The following IQSEC1 variants were observed in gnomAD, a reference collection of about 807,000 sequenced individuals.
The protein encoded by IQSEC1 is IQ motif and SEC7 domain-containing protein 1.
Under a neutral mutation model 91.0 loss-of-function variants are expected in IQSEC1, and 31 were observed. The ratio of observed to expected loss-of-function variants is 0.34; its 90% CI spans 0.26 to 0.46. The LOEUF is 0.46. IQSEC1 is among the 20% of genes least tolerant of loss of function. The pLI is 1.00. For missense variants in IQSEC1, 1,388 were observed against 1,575.6 expected, an observed-to-expected ratio of 0.88 and a Z score of 2.02; for synonymous variants, 699 against 662.6, an observed-to-expected ratio of 1.05 and a Z score of -0.84.
At chr3:13,159,391 T>C (rs1707130749) in intron 2 of IQSEC1, among the ~76,000 whole-genome samples, 2 of 152,274 alleles carry the variant, frequency 1.3e-5, no homozygotes, top group Admixed American at 6.5e-5. Flanking sequence ...ATCACGTCAC[T>C]GCACTCCAGC....
At position 12,919,527 on chromosome 3, in the gene IQSEC1, A is replaced by G. The variant is rs1250529659; in HGVS notation, c.2020+903T>C. Among the ~76,000 whole-genome samples, 4 of 152,338 alleles carry G rather than the reference A, an allele frequency of 2.6e-5. No homozygotes were observed. The East Asian group carries it at 7.7e-4, about 29-fold the overall frequency. Reference sequence around the variant, plus strand: ...CTGGAGCTGCTCCCTGGAGAGTGACACTGTTCAAGGAGAAGGGACGGCAGA... The same window carrying G: ...CTGGAGCTGCTCCCTGGAGAGTGACGCTGTTCAAGGAGAAGGGACGGCAGA... On this transcript the variant is annotated intron_variant, in intron 6 of 13. Coordinates refer to ENST00000613206, the MANE Select transcript of IQSEC1 (RefSeq NM_001134382.3).
chr3:13,147,895 AG>A (rs1355184490), intron 2 of IQSEC1, among the ~76,000 whole-genome samples: 1 of 152,208 alleles, frequency 6.6e-6, no homozygotes, highest in Admixed American at 6.5e-5. Context: ...GGCCTGCCAA[AG>A]TGCTGGGATT....
At chr3:13,007,401 G>C (rs577692940) in intron 1 of IQSEC1, among the ~76,000 whole-genome samples, 1 of 152,318 alleles carries the variant, frequency 6.6e-6, no homozygotes, top group African/African-American at 2.4e-5. Flanking sequence ...CCTGGGAGGA[G>C]GGCAGAGGCC....
At chr3:13,190,576 G>A (rs149658634) in intron 1 of IQSEC1, among the ~76,000 whole-genome samples, 998 of 96,284 alleles carry the variant, frequency 0.01, 17 homozygotes, top group African/African-American at 0.036. Flanking sequence ...AACAGATAAA[G>A]TGTGGCCTTG....
chr3:13,092,699 T>C (rs1050807407), intron 2 of IQSEC1, among the ~76,000 whole-genome samples: 1 of 152,090 alleles, frequency 6.6e-6, no homozygotes, highest in Non-Finnish European at 1.5e-5. Flanking sequence ...CTCAATGGTG[T>C]CTCCTCTATC....
intron 1 of IQSEC1, among the ~76,000 whole-genome samples, chr3:13,171,069 C>T (rs916748519): frequency 1.3e-5 from 2 of 151,750 alleles, no homozygotes; most frequent in African/African-American, 2.4e-5. Context: ...CAATGCACTC[C>T]AGCCTGGCAA....
At position 13,158,152 on chromosome 3, in the gene IQSEC1, C is replaced by T. The variant is rs118085130; in HGVS notation, c.302+5952G>A. On this transcript the variant is annotated intron_variant, in intron 2 of 15. Coordinates refer to the IQSEC1 transcript ENST00000648114. Reference sequence around the variant, plus strand: ...GAAATGTCCACTCGCCTCCAGAGGCCGCCGGCTCAGCCCTCAGTCCAGCAC... The same window carrying T: ...GAAATGTCCACTCGCCTCCAGAGGCTGCCGGCTCAGCCCTCAGTCCAGCAC... Among the ~76,000 whole-genome samples the T allele has an allele frequency of 2.4e-4, 36 of 152,322 alleles. No individual in the cohort carries two copies. The East Asian group carries it at 5.0e-3, about 21-fold the overall frequency.
chr3:13,043,506 G>A (rs531686515), intron 1 of IQSEC1, among the ~76,000 whole-genome samples: 1 of 152,252 alleles, frequency 6.6e-6, no homozygotes, highest in East Asian at 1.9e-4. Flanking sequence ...GCTCCTCCTC[G>A]TCAGTCAGGT....
chr3:13,124,026 G>A (rs1334566091), intron 2 of IQSEC1, among the ~76,000 whole-genome samples: 1 of 152,226 alleles, frequency 6.6e-6, no homozygotes, highest in African/African-American at 2.4e-5. Context: ...AAGGGATGCT[G>A]CCAACTCAAC....
intron 1 of IQSEC1, among the ~76,000 whole-genome samples, chr3:13,265,773 TG>T (rs1267530092): frequency 6.6e-6 from 1 of 152,032 alleles, no homozygotes; most frequent in African/African-American, 2.4e-5. Context: ...AGGTACTTTC[TG>T]GAAGTTGCAC....
intron 2 of IQSEC1, among the ~76,000 whole-genome samples, chr3:13,142,881 A>G (rs1210446429): frequency 6.6e-6 from 1 of 152,170 alleles, no homozygotes; most frequent in African/African-American, 2.4e-5. Context: ...CTCCTCTAGG[A>G]ACCCCAGGCT....
chr3:13,004,393 G>A (rs892429083), intron 1 of IQSEC1, among the ~76,000 whole-genome samples: 3 of 152,190 alleles, frequency 2.0e-5, no homozygotes, highest in African/African-American at 7.2e-5. Flanking sequence ...TGCAGCTGGG[G>A]GCCGGGGGAG....
At chr3:12,973,013 A>G (rs573835029) in intron 1 of IQSEC1, among the ~76,000 whole-genome samples, 1 of 152,356 alleles carries the variant, frequency 6.6e-6, no homozygotes, top group Admixed American at 6.5e-5. Flanking sequence ...TATCTTTAAA[A>G]TTCCAACCAT....
intron 1 of IQSEC1, among the ~76,000 whole-genome samples, chr3:13,248,464 C>T (rs1440977219): frequency 1.3e-5 from 2 of 152,154 alleles, no homozygotes; most frequent in Non-Finnish European, 2.9e-5. Flanking sequence ...AAACCTACTC[C>T]CAGTCTCCCC....
intron 1 of IQSEC1, among the ~76,000 whole-genome samples, chr3:13,265,979 G>A (rs572495996): frequency 6.8e-6 from 1 of 146,330 alleles, no homozygotes; most frequent in Admixed American, 6.9e-5. Flanking sequence ...CACACCCCAT[G>A]CCCATCTAGT....
chr3:12,925,001 C>T (rs187187066), intron 3 of IQSEC1, among the ~76,000 whole-genome samples: 1 of 152,332 alleles, frequency 6.6e-6, no homozygotes, highest in East Asian at 1.9e-4. Flanking sequence ...GGACCTGGTA[C>T]AAACACCTTC....
intron 2 of IQSEC1, among the ~76,000 whole-genome samples, chr3:13,126,782 A>T (rs578218637): frequency 6.6e-6 from 1 of 152,348 alleles, no homozygotes; most frequent in South Asian, 2.1e-4. Context: ...AATGATGCTG[A>T]GTATCATCCC....
chr3:12,914,806 G>A (rs1251557197), intron 8 of IQSEC1, among the ~76,000 whole-genome samples: 1 of 152,074 alleles, frequency 6.6e-6, no homozygotes, highest in African/African-American at 2.4e-5. Flanking sequence ...GCCAGGTAGC[G>A]GACAGGGCAG....
chr3:13,042,167 C>A (rs903327857), intron 1 of IQSEC1: 2 of 152,266 alleles, frequency 1.3e-5, no homozygotes, highest in African/African-American at 4.8e-5. Flanking sequence ...TGGTCTTGGC[C>A]AGTGACGGGG....
Sources: gnomAD v4.1 joint callset for allele counts (sites outside exome capture counted in the v4.1 genomes callset) on GRCh38, gnomAD v4.1.1 for gene constraint, MANE v1.5 for transcripts, NCBI Gene and HGNC (gene_info 2026-07-23, HGNC 2026-07-21) for gene names.